RNASE10: variants seen among roughly 807,000 people sequenced by gnomAD.
The protein encoded by RNASE10 is ribonuclease A family member 10 (inactive).
RNASE10 carries 2 observed loss-of-function variants against 1.1 expected under a neutral mutation model. The observed-to-expected ratio is 1.82, with a 90% confidence interval of 0.74 to 5.73. RNASE10 has a LOEUF of 5.73. RNASE10 is among the 30% of genes most tolerant of loss of function. RNASE10 has a pLI of 0.05. For missense variants in RNASE10, 276 were observed against 263.4 expected (o/e 1.05, Z -0.33); for synonymous variants, 97 against 96.2 (o/e 1.01, Z -0.05).
At chr14:20,511,030 A>C (rs1178197680) in exon 2 of RNASE10, 1 of 1,564,630 alleles carries the variant, frequency 6.4e-7, no homozygotes, top group African/African-American at 1.4e-5. Flanking sequence ...AGACCAGGTC[A>C]CTCCTAACTG....
chr14:20,509,484 A>C (rs1010038314), intron 1 of RNASE10, among the ~76,000 whole-genome samples: 1 of 152,236 alleles, frequency 6.6e-6, no homozygotes, highest in African/African-American at 2.4e-5. Context: ...GAGATCTTTA[A>C]TAGTAGAAGG....
upstream of RNASE10, among the ~76,000 whole-genome samples, chr14:20,505,333 G>T (rs1594438825): frequency 2.4e-5 from 1 of 41,936 alleles, no homozygotes. Context: ...TCCCTCCACG[G>T]TCTCCTTCCA....
chr14:20,504,835 C>G (rs1164184728), upstream of RNASE10, among the ~76,000 whole-genome samples: 1 of 151,742 alleles, frequency 6.6e-6, no homozygotes, highest in East Asian at 1.9e-4. Context: ...GACAAGGGAG[C>G]ACTCACCAGC....
chr14:20,508,050 C>T (rs780124182), intron 1 of RNASE10, among the ~76,000 whole-genome samples: 1 of 152,092 alleles, frequency 6.6e-6, no homozygotes, highest in African/African-American at 2.4e-5. Context: ...GCGCCCAGGC[C>T]CCCTATTTAT....
rs569324780 is a variant in RNASE10, at chr14:20,510,126, A to G, written c.80-341A>G. ...AGAGCAAGATCCTGTCTCAAAAGGA[A>G]AAAAAAAAAAAAAAGAATCAATTGA... is the stretch of plus-strand genomic sequence containing the variant. On this transcript the variant is annotated intron_variant, in intron 1 of 1. Transcript: ENST00000430083. 9.1e-4 allele frequency among the ~76,000 whole-genome samples: 121 copies of G among 132,990 alleles called. 3 individuals are homozygous for G. Among genetic ancestry groups the G allele is most frequent in the Non-Finnish European group, 3.2e-5 (2 of 62,936 alleles). 87.2% of individuals were successfully genotyped at this position (132,990 alleles called of 152,430 possible).
Sources: gnomAD v4.1 joint callset for allele counts (sites outside exome capture counted in the v4.1 genomes callset) on GRCh38, gnomAD v4.1.1 for gene constraint, MANE v1.5 for transcripts, NCBI Gene and HGNC (gene_info 2026-07-23, HGNC 2026-07-21) for gene names.